Variants in RPS6KC1 observed in about 807,000 individuals in gnomAD.
RPS6KC1 encodes ribosomal protein S6 kinase C1.
In RPS6KC1, 54 loss-of-function variants were observed where a neutral mutation model predicts 103.8. The observed-to-expected ratio is 0.52, with a 90% CI of 0.42 to 0.65. RPS6KC1 has a LOEUF of 0.65. RPS6KC1 is among the 30% of genes least tolerant of loss of function. The probability of loss-of-function intolerance (pLI) is 0.00; values close to 1 mark genes in which losing one functional copy is unlikely to be tolerated. For missense variants in RPS6KC1, 1,151 were observed against 1,253.8 expected, an observed-to-expected ratio of 0.92 and a Z score of 1.24; for synonymous variants, 439 against 438.7, an observed-to-expected ratio of 1.00 and a Z score of -0.01.
chr1:213,475,466 T>G, the RPS6KC1 span, among the ~76,000 whole-genome samples: 1 of 152,240 alleles, frequency 6.6e-6, no homozygotes, highest in Non-Finnish European at 1.5e-5. Context: ...TCTCTGGACC[T>G]GGGTTTTATC....
At chr1:213,755,796 C>T in the RPS6KC1 span, among the ~76,000 whole-genome samples, 3 of 152,186 alleles carry the variant, frequency 2.0e-5, no homozygotes, top group Admixed American at 6.5e-5. Context: ...TTAATCAGTC[C>T]ATGTACCACC....
chr1:213,851,826 C>T, the RPS6KC1 span, among the ~76,000 whole-genome samples: 1 of 152,118 alleles, frequency 6.6e-6, no homozygotes, highest in Non-Finnish European at 1.5e-5. Flanking sequence ...TGGGAGCCAC[C>T]CCAGCCTCTC....
chr1:213,854,510 C>CTCTTTCTTTCTTTCTTTCTT, the RPS6KC1 span, among the ~76,000 whole-genome samples: 121 of 121,002 alleles, frequency 1.0e-3, 1 homozygote, highest in Non-Finnish European at 1.3e-3. Context: ...CTCTTTCTTT[C>CTCTTTCTTTCTTTCTTTCTT]TCTTTCTTTC....
At chr1:213,464,890 A>G in the RPS6KC1 span, among the ~76,000 whole-genome samples, 1 of 152,076 alleles carries the variant, frequency 6.6e-6, no homozygotes, top group Non-Finnish European at 1.5e-5. Flanking sequence ...CTTTAGGACC[A>G]AGACAGTCAT....
chr1:213,475,127 T>G, the RPS6KC1 span, among the ~76,000 whole-genome samples: 4 of 152,202 alleles, frequency 2.6e-5, no homozygotes, highest in Non-Finnish European at 5.9e-5. Context: ...TTATTGGACA[T>G]GTACTTTGGG....
chr1:213,067,607 C>T (rs987673503), intron 1 of RPS6KC1, among the ~76,000 whole-genome samples: 3 of 152,070 alleles, frequency 2.0e-5, no homozygotes, highest in African/African-American at 7.2e-5. Context: ...TAGCACTCTA[C>T]TGTTATCTGA....
At chr1:213,487,883 C>T in the RPS6KC1 span, among the ~76,000 whole-genome samples, 1 of 152,276 alleles carries the variant, frequency 6.6e-6, no homozygotes, top group South Asian at 2.1e-4. Context: ...TGCTTGCCTT[C>T]TCTCCATTCA....
chr1:213,613,771 G>A, the RPS6KC1 span, among the ~76,000 whole-genome samples: 1 of 152,166 alleles, frequency 6.6e-6, no homozygotes, highest in Non-Finnish European at 1.5e-5. Flanking sequence ...GGGCAAGTTG[G>A]CTGGGCCCAG....
intron 8 of RPS6KC1, among the ~76,000 whole-genome samples, chr1:213,187,250 C>CTT (rs758725965): frequency 1.4e-4 from 19 of 135,108 alleles, no homozygotes; most frequent in South Asian, 2.4e-4. Context: ...TCTTCTTCTT[C>CTT]TTTTTTTTTT....
chr1:213,355,422 A>G, the RPS6KC1 span, among the ~76,000 whole-genome samples: 1 of 152,106 alleles, frequency 6.6e-6, no homozygotes, highest in African/African-American at 2.4e-5. Flanking sequence ...CACCGGCCTT[A>G]GACAGGGGTC....
At chr1:213,704,385 CAAAAAAAAAAAAAAA>C in the RPS6KC1 span, among the ~76,000 whole-genome samples, 1 of 27,662 alleles carries the variant, frequency 3.6e-5, no homozygotes, top group Non-Finnish European at 8.4e-5. Flanking sequence ...GACTCCGTCT[CAAAAAAAAAAAAAAA>C]AAAAAAAAAA....
the RPS6KC1 span, among the ~76,000 whole-genome samples, chr1:213,757,066 C>T: frequency 6.6e-6 from 1 of 152,132 alleles, no homozygotes; most frequent in African/African-American, 2.4e-5. Context: ...AATGGTTGTT[C>T]CACCATCTCT....
the RPS6KC1 span, among the ~76,000 whole-genome samples, chr1:213,596,432 A>C: frequency 6.6e-6 from 1 of 152,256 alleles, no homozygotes; most frequent in Non-Finnish European, 1.5e-5. Context: ...CAGTTGAAGA[A>C]GACAAGGCAG....
At chr1:213,138,466 G>A (rs1477825097) in intron 6 of RPS6KC1, among the ~76,000 whole-genome samples, 3 of 151,984 alleles carry the variant, frequency 2.0e-5, no homozygotes, top group African/African-American at 2.4e-5. Context: ...CCAGGTAATC[G>A]GTGTAATATT....
At chr1:213,235,849 A>G (rs2094209376) in intron 10 of RPS6KC1, among the ~76,000 whole-genome samples, 1 of 152,192 alleles carries the variant, frequency 6.6e-6, no homozygotes, top group African/African-American at 2.4e-5. Flanking sequence ...CTCTGTGGAA[A>G]ACAGAATGTA....
At chr1:213,496,743 G>C in the RPS6KC1 span, among the ~76,000 whole-genome samples, 1 of 152,088 alleles carries the variant, frequency 6.6e-6, no homozygotes, top group Non-Finnish European at 1.5e-5. Flanking sequence ...GGGTGACAGA[G>C]TGAGACTCAG....
chr1:213,748,590 G>C, the RPS6KC1 span, among the ~76,000 whole-genome samples: 8 of 152,132 alleles, frequency 5.3e-5, no homozygotes, highest in African/African-American at 1.9e-4. Context: ...ATTTATATAG[G>C]CTTCAGGAAT....
chr1:213,202,751 T>TG (rs1233497462), intron 8 of RPS6KC1, among the ~76,000 whole-genome samples: 7 of 152,204 alleles, frequency 4.6e-5, no homozygotes, highest in African/African-American at 1.4e-4. Flanking sequence ...ACACCATCAT[T>TG]GTGTGTTTTA....
At chr1:213,448,961 C>T in the RPS6KC1 span, among the ~76,000 whole-genome samples, 1 of 152,140 alleles carries the variant, frequency 6.6e-6, no homozygotes, top group Admixed American at 6.5e-5. Context: ...CCAGTGGCCT[C>T]AACTCGGGAA....
Sources: gnomAD v4.1 joint callset for allele counts (sites outside exome capture counted in the v4.1 genomes callset) on GRCh38, gnomAD v4.1.1 for gene constraint, MANE v1.5 for transcripts, NCBI Gene and HGNC (gene_info 2026-07-23, HGNC 2026-07-21) for gene names.